Variants in KIAA0319 observed in about 807,000 individuals in gnomAD.
KIAA0319 encodes KIAA0319, also known as dyslexia-associated protein KIAA0319.
In KIAA0319, 83 loss-of-function variants were observed where a neutral mutation model predicts 108.4. That is an observed-to-expected ratio of 0.77 (90% CI 0.64 to 0.92). KIAA0319 has a LOEUF of 0.92. Ranked by LOEUF, KIAA0319 falls within the 40% of genes least tolerant of loss-of-function variation. The pLI is 0.00. For synonymous variants in KIAA0319, 484 were observed against 510.4 expected (o/e 0.95, Z 0.70); for missense variants, 1,195 against 1,322.4 (o/e 0.90, Z 1.49).
intron 19 of KIAA0319, among the ~76,000 whole-genome samples, chr6:24,553,675 C>A (rs1475252659): frequency 6.6e-6 from 1 of 152,166 alleles, no homozygotes; most frequent in Admixed American, 6.5e-5. Context: ...CTGGACAGGC[C>A]TTGCTGGGCT....
intron 19 of KIAA0319, among the ~76,000 whole-genome samples, chr6:24,554,075 G>A (rs567840894): frequency 6.6e-6 from 1 of 152,294 alleles, no homozygotes; most frequent in African/African-American, 2.4e-5. Context: ...GAATGGGGTG[G>A]GCAGCAGTCT....
chr6:24,567,505 C>G (rs1324133864), intron 13 of KIAA0319, among the ~76,000 whole-genome samples: 1 of 151,976 alleles, frequency 6.6e-6, no homozygotes, highest in Non-Finnish European at 1.5e-5. Flanking sequence ...AGTTCAAGAC[C>G]AGCCTGGGTA....
At chr6:24,621,649 A>G (rs899825877) in intron 1 of KIAA0319, among the ~76,000 whole-genome samples, 3 of 152,230 alleles carry the variant, frequency 2.0e-5, no homozygotes, top group Non-Finnish European at 4.4e-5. Flanking sequence ...GGCAAACAGG[A>G]CATAAGAACA....
Position 24,576,383 on chromosome 6 carries a change from T to C in KIAA0319, c.1719A>G (p.Lys573=), listed in dbSNP as rs958184007. The C allele has an allele frequency of 6.2e-7, 1 of 1,613,796 alleles. No individual in the cohort carries two copies. Among genetic ancestry groups the C allele is most frequent in the African/African-American group, 1.3e-5 (1 of 74,862 alleles). ...EWSLGPGSEG[K]HVVMQGVQTP... Reference sequence around the variant, plus strand: ...GAGAACTTGCCTGCATGACCACATGTTTGCCCTCACTCCCAGGACCCAGGG... The same window carrying C: ...GAGAACTTGCCTGCATGACCACATGCTTGCCCTCACTCCCAGGACCCAGGG... The change falls in exon 10 of 21, where the codon AAA becomes AAG. Residue 573 remains lysine, a synonymous_variant. Coordinates refer to ENST00000378214, the MANE Select transcript of KIAA0319 (RefSeq NM_014809.4).
intron 7 of KIAA0319, 132 bp downstream of exon 7, chr6:24,580,794 T>C: frequency 1.5e-6 from 1 of 652,618 alleles, no homozygotes; most frequent in Non-Finnish European, 2.7e-6. Context: ...GCGTGTTTTC[T>C]CTACAATGGA....
At chr6:24,636,959 T>C (rs368917840) in intron 1 of KIAA0319, among the ~76,000 whole-genome samples, 4 of 152,364 alleles carry the variant, frequency 2.6e-5, no homozygotes, top group East Asian at 1.9e-4. Context: ...ATCTACTCCA[T>C]GGGTACCAAA....
intron 1 of KIAA0319, among the ~76,000 whole-genome samples, chr6:24,637,232 A>G (rs889654624): frequency 4.6e-5 from 7 of 152,208 alleles, no homozygotes; most frequent in African/African-American, 1.7e-4. Context: ...CACTTTTCCT[A>G]TTGACTTTCT....
chr6:24,557,934 T>C (rs1762527768), intron 17 of KIAA0319, among the ~76,000 whole-genome samples: 1 of 152,128 alleles, frequency 6.6e-6, no homozygotes, highest in South Asian at 2.1e-4. Flanking sequence ...ATTAAAAATA[T>C]ATATCATGTC....
chr6:24,569,837 C>A (rs1764429010), intron 12 of KIAA0319, 66 bp downstream of exon 12: 1 of 1,564,890 alleles, frequency 6.4e-7, no homozygotes, highest in South Asian at 1.2e-5. Context: ...TACAGATCCT[C>A]CAGAGAAGGG....
At chr6:24,629,884 C>T (rs76221733) in intron 1 of KIAA0319, among the ~76,000 whole-genome samples, 4,576 of 152,122 alleles carry the variant, frequency 0.03, 215 homozygotes, top group African/African-American at 0.1. Flanking sequence ...GAAATAAATC[C>T]TTCTTTAAAT....
At position 24,579,875 on chromosome 6, in the gene KIAA0319, G is replaced by A; in HGVS notation, c.1355C>T (p.Ala452Val). 6.2e-7 allele frequency: 1 copy of A among 1,603,456 alleles called. No individual in the cohort carries two copies. Among genetic ancestry groups the A allele is most frequent in the Non-Finnish European group, 8.5e-7 (1 of 1,174,278 alleles). The change falls in exon 8 of 21, where the codon GCC becomes GTC. Residue 452 changes from alanine to valine, a missense_variant. Ala to Val is a moderately conservative substitution (Grantham distance 64). Coordinates refer to ENST00000378214, the MANE Select transcript of KIAA0319 (RefSeq NM_014809.4). ...ATACACACGGCTGCCATCAATGAGG[G>A]CTGACGTCAAAGGCAAAGTGAGCTC... ...LQELTLPLTS[A>V]LIDGSQSTDD...
At chr6:24,636,039 A>C (rs1436035538) in intron 1 of KIAA0319, among the ~76,000 whole-genome samples, 1 of 152,252 alleles carries the variant, frequency 6.6e-6, no homozygotes, top group African/African-American at 2.4e-5. Context: ...GACTAAAAAC[A>C]AAGGGAAGAA....
At chr6:24,587,495 T>G (rs950831230) in intron 4 of KIAA0319, among the ~76,000 whole-genome samples, 8 of 152,106 alleles carry the variant, frequency 5.3e-5, no homozygotes, top group African/African-American at 1.7e-4. Context: ...TTAGCCAGGA[T>G]GGTCTCGATC....
intron 1 of KIAA0319, among the ~76,000 whole-genome samples, chr6:24,608,988 G>A (rs1296715049): frequency 4.8e-5 from 7 of 146,530 alleles, no homozygotes; most frequent in Non-Finnish European, 9.0e-5. Context: ...AAGGCCAGGT[G>A]CAGGGGCTCA....
chr6:24,593,462 G>A (rs1373962636), intron 3 of KIAA0319, among the ~76,000 whole-genome samples: 1 of 145,416 alleles, frequency 6.9e-6, no homozygotes, highest in African/African-American at 2.6e-5. Flanking sequence ...GTGCGATCTC[G>A]GCTCATTGCA....
chr6:24,625,547 TATCCAAC>T (rs1156545650), intron 1 of KIAA0319, among the ~76,000 whole-genome samples: 1 of 152,196 alleles, frequency 6.6e-6, no homozygotes, highest in Non-Finnish European at 1.5e-5. Context: ...TCACCACTTC[TATCCAAC>T]ATTGTACTGG....
At chr6:24,592,391 C>G (rs147814278) in intron 3 of KIAA0319, among the ~76,000 whole-genome samples, 1 of 152,140 alleles carries the variant, frequency 6.6e-6, no homozygotes, top group African/African-American at 2.4e-5. Flanking sequence ...TCATCAATTC[C>G]AAACTTTGCA....
intron 3 of KIAA0319, among the ~76,000 whole-genome samples, chr6:24,591,938 A>G (rs1424650786): frequency 6.6e-6 from 1 of 152,130 alleles, no homozygotes; most frequent in Non-Finnish European, 1.5e-5. Context: ...TTCAGTATAC[A>G]ATATTTATGG....
intron 9 of KIAA0319, 93 bp downstream of exon 9, chr6:24,578,017 A>G (rs1340392458): frequency 7.6e-7 from 1 of 1,308,906 alleles, no homozygotes; most frequent in African/African-American, 1.5e-5. Flanking sequence ...CTTTTGATCA[A>G]AATAAGAAGT....
Sources: gnomAD v4.1 joint callset for allele counts (sites outside exome capture counted in the v4.1 genomes callset) on GRCh38, gnomAD v4.1.1 for gene constraint, MANE v1.5 for transcripts, NCBI Gene and HGNC (gene_info 2026-07-23, HGNC 2026-07-21) for gene names.